The following FAM13A variants were observed in gnomAD, a reference collection of about 807,000 sequenced individuals.
FAM13A encodes family with sequence similarity 13 member A.
A neutral mutation model predicts 129.6 loss-of-function variants in FAM13A; 76 were observed. That is an observed-to-expected ratio of 0.59 (90% CI 0.49 to 0.71). The LOEUF is 0.71. Ranked by LOEUF, FAM13A falls within the 30% of genes least tolerant of loss-of-function variation. The pLI is 0.00. For synonymous variants in FAM13A, 443 were observed against 449.9 expected, an observed-to-expected ratio of 0.98 and a Z score of 0.20; for missense variants, 1,108 against 1,249.3, an observed-to-expected ratio of 0.89 and a Z score of 1.70.
At chr4:89,021,902 A>AG (rs1767309686) in intron 2 of FAM13A, among the ~76,000 whole-genome samples, 1 of 151,990 alleles carries the variant, frequency 6.6e-6, no homozygotes. Context: ...AGATAAGATT[A>AG]GGGGGTAGGG....
intron 2 of FAM13A, among the ~76,000 whole-genome samples, chr4:89,029,249 T>C (rs1180282609): frequency 6.6e-6 from 1 of 152,254 alleles, no homozygotes; most frequent in Non-Finnish European, 1.5e-5. Context: ...TTAAAGTGAT[T>C]GCTCTATGGT....
chr4:88,923,508 C>T (rs1397178257), intron 5 of FAM13A, among the ~76,000 whole-genome samples: 1 of 152,192 alleles, frequency 6.6e-6, no homozygotes, highest in Non-Finnish European at 1.5e-5. Flanking sequence ...AACAACCCTT[C>T]ATGCTAAAAA....
intron 11 of FAM13A, among the ~76,000 whole-genome samples, chr4:88,770,242 T>C (rs1720370855): frequency 6.6e-6 from 1 of 152,210 alleles, no homozygotes; most frequent in Non-Finnish European, 1.5e-5. Flanking sequence ...TCAAGAATAA[T>C]TGCTCTTATT....
chr4:88,901,351 C>T lies in FAM13A; in HGVS notation c.843+5028G>A, dbSNP rs192580713. ...ACAACTGAATATATATTCTTCTCAT[C>T]ACCACACAGCACTTTCTTTAATATT... On this transcript the variant is annotated intron_variant, in intron 6 of 23. Transcript: ENST00000264344. 3.0e-3 allele frequency among the ~76,000 whole-genome samples: 460 copies of T among 152,212 alleles called. 2 individuals carry two copies. The highest frequency in any genetic ancestry group is 0.011 in the African/African-American group (445 of 41,542).
At chr4:88,998,931 C>T (rs10516825) in intron 3 of FAM13A, among the ~76,000 whole-genome samples, 1 of 152,028 alleles carries the variant, frequency 6.6e-6, no homozygotes, top group Non-Finnish European at 1.5e-5. Flanking sequence ...AGAGGCCTCA[C>T]GTAAATTTCT....
chr4:88,850,916 TA>T, intron 7 of FAM13A, 103 bp downstream of exon 7: 1 of 1,020,330 alleles, frequency 9.8e-7, no homozygotes, highest in Non-Finnish European at 1.5e-6. Context: ...CTATATCCTG[TA>T]AACTCCAGTG....
intron 7 of FAM13A, among the ~76,000 whole-genome samples, chr4:88,839,118 A>C (rs72663500): frequency 5.7e-4 from 87 of 152,316 alleles, no homozygotes; most frequent in Non-Finnish European, 1.1e-3. Context: ...AATTCTAAAA[A>C]TGTTATACTG....
chr4:88,925,387 G>A (rs1014351569), intron 5 of FAM13A, among the ~76,000 whole-genome samples: 1 of 152,124 alleles, frequency 6.6e-6, no homozygotes, highest in Non-Finnish European at 1.5e-5. Flanking sequence ...AAAAAATGAT[G>A]AGTTCACATC....
At chr4:88,906,930 G>A (rs1192811467) in intron 5 of FAM13A, among the ~76,000 whole-genome samples, 1 of 152,112 alleles carries the variant, frequency 6.6e-6, no homozygotes, top group Non-Finnish European at 1.5e-5. Context: ...ACTATTAAAC[G>A]GTGATAGTTT....
At chr4:88,851,794 C>T (rs997148005) in intron 6 of FAM13A, among the ~76,000 whole-genome samples, 2 of 152,118 alleles carry the variant, frequency 1.3e-5, no homozygotes, top group African/African-American at 4.8e-5. Flanking sequence ...TAATATATGT[C>T]CCAAATGAAT....
chr4:88,796,034 GTTTTC>G (rs552197007), intron 8 of FAM13A, among the ~76,000 whole-genome samples: 2 of 151,668 alleles, frequency 1.3e-5, no homozygotes, highest in East Asian at 1.9e-4. Flanking sequence ...CTCGTTTTCT[GTTTTC>G]TTTTATTATT....
Position 88,747,853 on chromosome 4 carries a change from T to C in FAM13A, c.2162-2A>G. ...CTTCAGATATCTTTAGTTTTGATTC[T>C]AGTTGAGAAGATTTGGGGGTAAAGA... On this transcript the variant is annotated splice_acceptor_variant, in intron 17 of 23. Transcript: ENST00000264344. LOFTEE classifies it high-confidence loss of function. 2 of 1,598,828 alleles carry C rather than the reference T, an allele frequency of 1.3e-6. No homozygotes were observed. Among genetic ancestry groups the C allele is most frequent in the Non-Finnish European group, 1.7e-6 (2 of 1,166,962 alleles).
intron 6 of FAM13A, among the ~76,000 whole-genome samples, chr4:88,903,556 T>C (rs753649136): frequency 2.0e-5 from 3 of 152,166 alleles, no homozygotes; most frequent in Non-Finnish European, 4.4e-5. Flanking sequence ...AGGCTAGCCA[T>C]ATGCCAAAAA....
intron 4 of FAM13A, among the ~76,000 whole-genome samples, chr4:88,957,510 G>A (rs1042602368): frequency 5.3e-5 from 8 of 152,042 alleles, no homozygotes; most frequent in African/African-American, 1.4e-4. Flanking sequence ...ACCGAGTCTC[G>A]GATATTTCTT....
intron 6 of FAM13A, among the ~76,000 whole-genome samples, chr4:88,880,983 C>G (rs1162387396): frequency 6.6e-6 from 1 of 152,100 alleles, no homozygotes; most frequent in African/African-American, 2.4e-5. Flanking sequence ...ACAGCAAGTC[C>G]CGCCCAAGAA....
rs540294579 is a variant in FAM13A at position 88,892,272 on chromosome 4, C to T, written c.843+14107G>A. On this transcript the variant is annotated intron_variant, in intron 6 of 23. Transcript: ENST00000264344. ...TCGGCTCACTGCAAGCTCCACCTCC[C>T]GGGTTCACACCATTCTACTGCCTCA... is the stretch of plus-strand genomic sequence containing the variant. 2.1e-4 allele frequency among the ~76,000 whole-genome samples: 31 copies of T among 148,218 alleles called. 1 individual carries two copies. The South Asian group carries it at 5.4e-3, about 26-fold the overall frequency.
chr4:89,051,553 T>C lies in FAM13A; in HGVS notation c.27+5385A>G, dbSNP rs114818567. 4.4e-3 allele frequency among the ~76,000 whole-genome samples: 671 copies of C among 152,256 alleles called. 8 individuals are homozygous for C. Among genetic ancestry groups the C allele is most frequent in the African/African-American group, 0.015 (643 of 41,552 alleles). On this transcript the variant is annotated intron_variant, in intron 1 of 23. Transcript: ENST00000264344. Reference sequence around the variant, plus strand: ...TCCATCTCAACAGTCCCTAAAATCTTAACTCACTCCAGCATCAACTCAAAA... The same window carrying C: ...TCCATCTCAACAGTCCCTAAAATCTCAACTCACTCCAGCATCAACTCAAAA...
intron 6 of FAM13A, among the ~76,000 whole-genome samples, chr4:88,866,464 G>C (rs969348741): frequency 6.6e-6 from 1 of 152,236 alleles, no homozygotes; most frequent in African/African-American, 2.4e-5. Context: ...ATAGGCGTGA[G>C]TGACTGTGCC....
intron 1 of FAM13A, among the ~76,000 whole-genome samples, chr4:89,045,967 T>A (rs1240203391): frequency 2.1e-5 from 3 of 145,374 alleles, no homozygotes; most frequent in Non-Finnish European, 4.5e-5. Flanking sequence ...GAGGTTGCAG[T>A]GAGCCAAGAT....
Sources: allele counts gnomAD v4.1 joint callset (sites outside exome capture counted in the v4.1 genomes callset), GRCh38; gene constraint gnomAD v4.1.1; transcripts MANE v1.5; gene names NCBI Gene and HGNC (gene_info 2026-07-23, HGNC 2026-07-21).